The following CCR5AS variants were observed in gnomAD, a reference collection of about 807,000 sequenced individuals.
CCR5AS encodes the protein CCR5 antisense RNA.
chr3:46,381,665 C>T (rs1253163381), intron 2 of CCR5AS, among the ~76,000 whole-genome samples: 1 of 152,236 alleles, frequency 6.6e-6, no homozygotes, highest in East Asian at 1.9e-4. Context: ...CTTAGGTTTA[C>T]TGCCATTACC....
intron 2 of CCR5AS, among the ~76,000 whole-genome samples, chr3:46,382,186 C>A (rs1469387814): frequency 6.6e-6 from 1 of 152,196 alleles, no homozygotes; most frequent in African/African-American, 2.4e-5. Context: ...TTTTCTTTGT[C>A]AACCAAGTGT....
At chr3:46,403,784 T>C (rs964544851) in intron 1 of CCR5AS, among the ~76,000 whole-genome samples, 27 of 152,200 alleles carry the variant, frequency 1.8e-4, no homozygotes, top group Admixed American at 1.6e-3. Context: ...ACTAGGAAGC[T>C]ACCCAGTAGG....
At chr3:46,365,884 A>G (rs1307697457) in intron 3 of CCR5AS, among the ~76,000 whole-genome samples, 2 of 151,934 alleles carry the variant, frequency 1.3e-5, no homozygotes, top group African/African-American at 4.8e-5. Flanking sequence ...TACACACCCT[A>G]TCTCTACCCC....
At chr3:46,365,618 A>C (rs1245903111) in intron 3 of CCR5AS, among the ~76,000 whole-genome samples, 1 of 152,070 alleles carries the variant, frequency 6.6e-6, no homozygotes, top group Non-Finnish European at 1.5e-5. Flanking sequence ...GCCACAGTCC[A>C]CTCTGTGTTG....
At chr3:46,404,589 C>T (rs1702030910) in intron 1 of CCR5AS, among the ~76,000 whole-genome samples, 1 of 152,068 alleles carries the variant, frequency 6.6e-6, no homozygotes, top group Non-Finnish European at 1.5e-5. Context: ...CCACCCACCT[C>T]AGCCTCCCAA....
At chr3:46,382,043 G>A (rs997273678) in intron 2 of CCR5AS, among the ~76,000 whole-genome samples, 1 of 152,232 alleles carries the variant, frequency 6.6e-6, no homozygotes, top group African/African-American at 2.4e-5. Flanking sequence ...CTAACAAAGA[G>A]AAGCCTGTAA....
intron 2 of CCR5AS, among the ~76,000 whole-genome samples, chr3:46,381,429 A>T (rs975727667): frequency 6.6e-6 from 1 of 152,176 alleles, no homozygotes; most frequent in Admixed American, 6.5e-5. Context: ...GTCAACTCTT[A>T]TACATCCTGG....
chr3:46,372,708 A>C, intron 2 of CCR5AS: 10 of 465,936 alleles, frequency 2.1e-5, no homozygotes, highest in South Asian at 3.1e-5. Context: ...TGGACAGGGA[A>C]GCTAGCAGCA....
At chr3:46,406,436 T>C (rs1702048021) in intron 1 of CCR5AS, among the ~76,000 whole-genome samples, 1 of 151,758 alleles carries the variant, frequency 6.6e-6, no homozygotes, top group South Asian at 2.1e-4. Flanking sequence ...CCCACTCTCT[T>C]CCCACAGCCT....
intron 2 of CCR5AS, among the ~76,000 whole-genome samples, chr3:46,391,773 G>A (rs1333851924): frequency 6.6e-6 from 1 of 152,144 alleles, no homozygotes; most frequent in East Asian, 1.9e-4. Context: ...TATAGGGTAG[G>A]GGAGCAGAGG....
At chr3:46,395,476 T>C (rs763950933) in intron 1 of CCR5AS, among the ~76,000 whole-genome samples, 11 of 151,954 alleles carry the variant, frequency 7.2e-5, no homozygotes, top group Non-Finnish European at 1.6e-4. Flanking sequence ...ATCCGGGGGA[T>C]TGGCTGTGGG....
At chr3:46,386,721 G>A (rs547097429) in intron 2 of CCR5AS, among the ~76,000 whole-genome samples, 5 of 152,266 alleles carry the variant, frequency 3.3e-5, no homozygotes, top group Admixed American at 3.3e-4. Flanking sequence ...TTTGAACACT[G>A]ACTAGATATA....
chr3:46,366,194 T>A (rs1328045856), intron 3 of CCR5AS, among the ~76,000 whole-genome samples: 2 of 152,210 alleles, frequency 1.3e-5, no homozygotes, highest in African/African-American at 2.4e-5. Context: ...GGGAGAGGTG[T>A]CTGAGCCCAG....
chr3:46,390,072 A>T (rs1158286812), intron 2 of CCR5AS, among the ~76,000 whole-genome samples: 1 of 152,160 alleles, frequency 6.6e-6, no homozygotes, highest in East Asian at 1.9e-4. Context: ...TGGGAGGTAG[A>T]TGGGTGAAAA....
intron 2 of CCR5AS, among the ~76,000 whole-genome samples, chr3:46,379,897 A>AAAATAAATAAAT (rs60485134): frequency 1.4e-3 from 201 of 146,502 alleles, no homozygotes; most frequent in African/African-American, 2.7e-3. Flanking sequence ...ACTCTGTCTC[A>AAAATAAATAAAT]AAATAAATAA....
chr3:46,400,181 G>A (rs1701994960), intron 1 of CCR5AS, among the ~76,000 whole-genome samples: 1 of 152,096 alleles, frequency 6.6e-6, no homozygotes, highest in African/African-American at 2.4e-5. Flanking sequence ...TGTAGAGACA[G>A]GGTCTCGCCA....
chr3:46,396,748 A>T (rs1701964836), intron 1 of CCR5AS, among the ~76,000 whole-genome samples: 1 of 152,132 alleles, frequency 6.6e-6, no homozygotes, highest in African/African-American at 2.4e-5. Context: ...CTCTGTGACC[A>T]CGTGGGCAGC....
At chr3:46,399,211 G>A (rs902968319) in intron 1 of CCR5AS, among the ~76,000 whole-genome samples, 10 of 152,172 alleles carry the variant, frequency 6.6e-5, no homozygotes, top group African/African-American at 1.7e-4. Flanking sequence ...TGATGTCTGC[G>A]TCTTGTTGTT....
intron 2 of CCR5AS, among the ~76,000 whole-genome samples, chr3:46,378,582 T>C (rs1701784514): frequency 6.6e-6 from 1 of 152,222 alleles, no homozygotes; most frequent in South Asian, 2.1e-4. Flanking sequence ...GCAAGGGTGT[T>C]CAACTTCCAG....
Sources: allele counts gnomAD v4.1 joint callset (sites outside exome capture counted in the v4.1 genomes callset), GRCh38; gene constraint gnomAD v4.1.1; transcripts MANE v1.5; gene names NCBI Gene and HGNC (gene_info 2026-07-23, HGNC 2026-07-21).